Variants in ARHGAP44 observed in about 807,000 individuals in gnomAD.
ARHGAP44 encodes the protein rho GTPase-activating protein 44.
A neutral mutation model predicts 106.8 loss-of-function variants in ARHGAP44; 43 were observed. That is an observed-to-expected ratio of 0.40 (90% CI 0.32 to 0.52). The LOEUF (loss-of-function observed/expected upper bound fraction) is 0.52, where lower values mean the gene tolerates loss of function less well. Ranked by LOEUF, ARHGAP44 falls within the 20% of genes least tolerant of loss-of-function variation. The pLI, the probability that ARHGAP44 is intolerant of heterozygous loss-of-function variation, is 0.48. For missense variants in ARHGAP44, 866 were observed against 1,050.5 expected, an observed-to-expected ratio of 0.82 and a Z score of 2.43; for synonymous variants, 439 against 410.3, an observed-to-expected ratio of 1.07 and a Z score of -0.85.
At chr17:12,964,356 C>T (rs1308836959) in intron 16 of ARHGAP44, among the ~76,000 whole-genome samples, 1 of 152,192 alleles carries the variant, frequency 6.6e-6, no homozygotes, top group Non-Finnish European at 1.5e-5. Context: ...TCAGGGAGCA[C>T]CCATGGAGCC....
chr17:12,835,460 A>G (rs2035209948), intron 1 of ARHGAP44, among the ~76,000 whole-genome samples: 1 of 152,150 alleles, frequency 6.6e-6, no homozygotes, highest in South Asian at 2.1e-4. Context: ...AAAAGGAGAA[A>G]ATTAGACTCC....
At chr17:12,855,664 T>C (rs1366196408) in intron 1 of ARHGAP44, among the ~76,000 whole-genome samples, 1 of 152,228 alleles carries the variant, frequency 6.6e-6, no homozygotes, top group Non-Finnish European at 1.5e-5. Context: ...GTTATATTTA[T>C]TCCCAATTCC....
chr17:12,924,772 C>A (rs547867318), intron 6 of ARHGAP44, among the ~76,000 whole-genome samples: 146 of 152,284 alleles, frequency 9.6e-4, no homozygotes, highest in Non-Finnish European at 1.7e-3. Context: ...AGGACAGAAA[C>A]AGCAGCCATC....
chr17:12,803,429 C>T (rs926226881), intron 1 of ARHGAP44, among the ~76,000 whole-genome samples: 11 of 152,058 alleles, frequency 7.2e-5, no homozygotes, highest in African/African-American at 2.7e-4. Flanking sequence ...ATTTTTATCT[C>T]TTACCTATCC....
chr17:12,836,352 A>T (rs1211904627), intron 1 of ARHGAP44, among the ~76,000 whole-genome samples: 3 of 152,162 alleles, frequency 2.0e-5, no homozygotes, highest in African/African-American at 7.2e-5. Flanking sequence ...AATTACAGAG[A>T]TAAAGAGAGA....
intron 13 of ARHGAP44, among the ~76,000 whole-genome samples, chr17:12,952,878 C>A (rs1160674823): frequency 6.6e-6 from 1 of 151,910 alleles, no homozygotes; most frequent in African/African-American, 2.4e-5. Flanking sequence ...TAGGCACCCA[C>A]CACCACGCGT....
chr17:12,874,860 G>C (rs898724609), intron 1 of ARHGAP44, among the ~76,000 whole-genome samples: 12 of 150,196 alleles, frequency 8.0e-5, no homozygotes, highest in African/African-American at 2.9e-4. Flanking sequence ...TCCCACGAAG[G>C]ATTGTCTGGG....
chr17:12,792,037 T>A (rs1184915034), intron 1 of ARHGAP44, among the ~76,000 whole-genome samples: 1 of 152,244 alleles, frequency 6.6e-6, no homozygotes, highest in Non-Finnish European at 1.5e-5. Context: ...TGGCCTTTTT[T>A]CTTAACTCTT....
At chr17:12,800,542 T>C (rs2034059445) in intron 1 of ARHGAP44, among the ~76,000 whole-genome samples, 1 of 152,194 alleles carries the variant, frequency 6.6e-6, no homozygotes, top group South Asian at 2.1e-4. Context: ...AGTTATATCC[T>C]GGCTCTGAAT....
In ARHGAP44 at chr17:12,969,244, T is replaced by C. The variant is rs988356935; in HGVS notation, c.1524-4058T>C. Among the ~76,000 whole-genome samples the C allele has an allele frequency of 2.6e-5, 4 of 152,056 alleles. No individual in the cohort carries two copies. In the South Asian group the frequency reaches 8.3e-4, roughly 32 times the overall value. ...TGATGTCAGCAGTAGAGTATCCTTT[T>C]CCCCCCTTTATCAACATATTTTAGA... On this transcript the variant is annotated intron_variant, in intron 16 of 20. Transcript: ENST00000379672.
intron 7 of ARHGAP44, among the ~76,000 whole-genome samples, chr17:12,932,157 C>T (rs2038421631): frequency 6.6e-6 from 1 of 152,088 alleles, no homozygotes; most frequent in African/African-American, 2.4e-5. Flanking sequence ...TATAAAATTG[C>T]ACATTTTTCT....
chr17:12,875,400 C>T (rs2036522540), intron 1 of ARHGAP44, among the ~76,000 whole-genome samples: 1 of 151,900 alleles, frequency 6.6e-6, no homozygotes, highest in South Asian at 2.1e-4. Context: ...TTGAGACCAG[C>T]CTGGACAACA....
intron 1 of ARHGAP44, among the ~76,000 whole-genome samples, chr17:12,886,760 T>G (rs1443241691): frequency 6.6e-6 from 1 of 152,110 alleles, no homozygotes; most frequent in Non-Finnish European, 1.5e-5. Flanking sequence ...TTGTCCCTCT[T>G]ATATCTACAT....
intron 7 of ARHGAP44, among the ~76,000 whole-genome samples, chr17:12,932,880 T>C (rs978510119): frequency 6.6e-6 from 1 of 152,206 alleles, no homozygotes; most frequent in African/African-American, 2.4e-5. Context: ...GTTTCTATTC[T>C]AATGATTTCA....
At chr17:12,805,691 C>T (rs1370878649) in intron 1 of ARHGAP44, among the ~76,000 whole-genome samples, 1 of 152,212 alleles carries the variant, frequency 6.6e-6, no homozygotes, top group Non-Finnish European at 1.5e-5. Context: ...TATTTACCGA[C>T]CACTTAACTG....
intron 20 of ARHGAP44, 71 bp downstream of exon 20, chr17:12,984,979 T>C (rs1032303541): frequency 5.3e-6 from 8 of 1,513,954 alleles, no homozygotes; most frequent in Middle Eastern, 1.8e-4. Context: ...GAGGGATTGC[T>C]AGTGTTACTG....
At chr17:12,873,874 A>G (rs2036472283) in intron 1 of ARHGAP44, among the ~76,000 whole-genome samples, 1 of 152,182 alleles carries the variant, frequency 6.6e-6, no homozygotes, top group Non-Finnish European at 1.5e-5. Flanking sequence ...ATTGCACTCC[A>G]GCCTGGATGA....
chr17:12,802,241 G>A (rs1236440140), intron 1 of ARHGAP44, among the ~76,000 whole-genome samples: 7 of 152,126 alleles, frequency 4.6e-5, no homozygotes, highest in Non-Finnish European at 1.0e-4. Flanking sequence ...GGGTTCTCTG[G>A]ATGCAGCAGC....
At chr17:12,874,797 G>A (rs569128130) in intron 1 of ARHGAP44, among the ~76,000 whole-genome samples, 18 of 147,390 alleles carry the variant, frequency 1.2e-4, no homozygotes, top group African/African-American at 4.1e-4. Flanking sequence ...ATAAGCAAGT[G>A]CAGGATACTT....
Sources: gnomAD v4.1 joint callset for allele counts (sites outside exome capture counted in the v4.1 genomes callset) on GRCh38, gnomAD v4.1.1 for gene constraint, MANE v1.5 for transcripts, NCBI Gene and HGNC (gene_info 2026-07-23, HGNC 2026-07-21) for gene names.